Variants in UGGT1 observed in about 807,000 individuals in gnomAD.
The protein encoded by UGGT1 is UDP-glucose glycoprotein glucosyltransferase 1.
UGGT1 carries 107 observed loss-of-function variants against 203.9 expected under a neutral mutation model. The observed-to-expected ratio is 0.52, with a 90% CI of 0.45 to 0.62. The LOEUF is 0.62. Ranked by LOEUF, UGGT1 falls within the 20% of genes least tolerant of loss-of-function variation. The pLI is 0.00. For missense variants in UGGT1, 1,673 were observed against 1,867.2 expected (o/e 0.90, Z 1.92); for synonymous variants, 628 against 653.5 (o/e 0.96, Z 0.59).
intron 2 of UGGT1, among the ~76,000 whole-genome samples, chr2:128,100,141 A>C (rs1290048755): frequency 1.4e-5 from 2 of 144,512 alleles, no homozygotes; most frequent in South Asian, 2.2e-4. Flanking sequence ...GCCCATTCTC[A>C]TTCTCCTGCC....
intron 18 of UGGT1, among the ~76,000 whole-genome samples, chr2:128,149,053 CT>C (rs1282412368): frequency 1.3e-5 from 2 of 151,856 alleles, no homozygotes; most frequent in East Asian, 3.9e-4. Context: ...CTTACCAAAA[CT>C]TTTTTTGAGA....
intron 34 of UGGT1, among the ~76,000 whole-genome samples, 179 bp from the exon 35 acceptor site, chr2:128,179,607 A>G (rs192938561): frequency 2.0e-5 from 3 of 152,352 alleles, no homozygotes; most frequent in Admixed American, 1.3e-4. Flanking sequence ...TGATAACTTC[A>G]TAAGTTGGAG....
chr2:128,156,264 G>C, intron 20 of UGGT1, 128 bp from the exon 21 acceptor site: 1 of 720,656 alleles, frequency 1.4e-6, no homozygotes, highest in Non-Finnish European at 2.4e-6. Flanking sequence ...CCATGACACC[G>C]ACAGGACTAA....
rs142559463 is a variant in UGGT1 at position 128,164,730 on chromosome 2, G to A, written c.2826G>A (p.Val942=). ...HIQQLRVEED[V]ASDLVMKVDA... is the part of the protein sequence containing the mutation. ...AGATTTCTCTAACCCCTTCTTTCAG[G>A]GCAAGCGACTTGGTAATGAAGGTGG... Residue 942 remains valine, a splice_region_variant and synonymous_variant, in exon 26 of 41, where the codon GTG becomes GTA. Transcript: ENST00000259253. 4.1e-5 allele frequency: 66 copies of A among 1,613,766 alleles called. 2 individuals carry two copies. In the South Asian group the frequency reaches 6.7e-4, roughly 16 times the overall value.
chr2:128,164,880 T>A, intron 26 of UGGT1, 55 bp downstream of exon 26: 1 of 1,336,192 alleles, frequency 7.5e-7, no homozygotes, highest in Non-Finnish European at 1.0e-6. Flanking sequence ...CTCTTATGTT[T>A]GCTTTACCTC....
Position 128,159,601 on chromosome 2 carries a change from T to C in UGGT1, c.2443T>C (p.Trp815Arg). The C allele has an allele frequency of 1.2e-6, 2 of 1,614,212 alleles. No individual in the cohort carries two copies. Among genetic ancestry groups the C allele is most frequent in the South Asian group, 1.1e-5 (1 of 91,086 alleles). The change falls in exon 23 of 41, where the codon TGG becomes CGG. Residue 815 changes from tryptophan (W) to arginine (R), a missense_variant. By Grantham distance (101) the Trp-to-Arg change is moderately radical (BLOSUM62 -3). Transcript: ENST00000259253. ...YENTQISRAI[W>R]AALQTQTSNA... ...GAACACTCAGATCTCCAGAGCAATCTGGGCAGCTCTCCAAACTCAGACTTC... is the reference window on the plus strand; with the variant it reads ...GAACACTCAGATCTCCAGAGCAATCCGGGCAGCTCTCCAAACTCAGACTTC...
At position 128,164,625 on chromosome 2, in the gene UGGT1, A is replaced by G. The variant is rs1024787510; in HGVS notation, c.2826-105A>G. 21 of 926,290 alleles carry G rather than the reference A, an allele frequency of 2.3e-5. No homozygotes were observed. In the Admixed American group the frequency reaches 2.8e-4, roughly 12 times the overall value. 57.4% of individuals were successfully genotyped at this position (926,290 alleles called of 1,614,324 possible). A position where few individuals can be genotyped will look rare whatever the true frequency, so the allele number is the denominator to read the frequency against. ...CAGTACGGACTTTATACCTTGTTCAAACCATCTTGTTAGAATTCAGTATTT... is the reference window on the plus strand; with the variant it reads ...CAGTACGGACTTTATACCTTGTTCAGACCATCTTGTTAGAATTCAGTATTT... On this transcript the variant is annotated intron_variant, in intron 25 of 40. Coordinates refer to ENST00000259253, the MANE Select transcript of UGGT1 (RefSeq NM_020120.4).
intron 22 of UGGT1, among the ~76,000 whole-genome samples, chr2:128,158,688 A>G (rs1558804055): frequency 6.6e-6 from 1 of 152,172 alleles, no homozygotes. Flanking sequence ...CTTTTGGTAC[A>G]CCCAAATATA....
intron 5 of UGGT1, among the ~76,000 whole-genome samples, chr2:128,110,274 G>A (rs1165716599): frequency 6.6e-6 from 1 of 152,106 alleles, no homozygotes; most frequent in East Asian, 1.9e-4. Flanking sequence ...GACTGGCTAG[G>A]GCAGCAAGCC....
chr2:128,185,930 G>A (rs1691954928), intron 38 of UGGT1, among the ~76,000 whole-genome samples: 1 of 152,138 alleles, frequency 6.6e-6, no homozygotes. Context: ...AAGGTTTAAA[G>A]CATAGGGTAG....
chr2:128,141,391 C>G lies in UGGT1; in HGVS notation c.1720-1703C>G, dbSNP rs1204595663. ...CAGGTGGATCACGAGATCAGGAGAT[C>G]AAGAGATCAAGACCATCCTGGCTTT... On this transcript the variant is annotated intron_variant, in intron 16 of 40. Coordinates refer to ENST00000259253, the MANE Select transcript of UGGT1 (RefSeq NM_020120.4). Among the ~76,000 whole-genome samples, 3 of 151,962 alleles carry G rather than the reference C, an allele frequency of 2.0e-5. No individual in the cohort carries two copies. In the East Asian group the frequency reaches 5.9e-4, roughly 30 times the overall value.
At chr2:128,150,188 C>T (rs1283521984) in intron 18 of UGGT1, among the ~76,000 whole-genome samples, 1 of 152,134 alleles carries the variant, frequency 6.6e-6, no homozygotes, top group Non-Finnish European at 1.5e-5. Flanking sequence ...TGTAATACAA[C>T]ACTTCGAGAG....
At chr2:128,176,111 A>C (rs1356144046) in intron 31 of UGGT1, among the ~76,000 whole-genome samples, 1 of 152,134 alleles carries the variant, frequency 6.6e-6, no homozygotes. Flanking sequence ...ACACTATTCC[A>C]GTTAAAGAGT....
At chr2:128,108,494 A>G (rs1256614095) in intron 4 of UGGT1, among the ~76,000 whole-genome samples, 1 of 152,226 alleles carries the variant, frequency 6.6e-6, no homozygotes, top group Admixed American at 6.5e-5. Flanking sequence ...TCTTCAGTAC[A>G]TAAATTATGG....
chr2:128,175,773 C>T (rs561142701), intron 31 of UGGT1, among the ~76,000 whole-genome samples: 11 of 152,124 alleles, frequency 7.2e-5, no homozygotes, highest in Admixed American at 2.0e-4. Flanking sequence ...AGCATGGTGC[C>T]CCCTCTTCCT....
At chr2:128,104,741 G>C (rs1687524778) in intron 3 of UGGT1, among the ~76,000 whole-genome samples, 1 of 152,108 alleles carries the variant, frequency 6.6e-6, no homozygotes, top group Non-Finnish European at 1.5e-5. Flanking sequence ...CCATCTCCCA[G>C]GTTCAATCAT....
intron 28 of UGGT1, 146 bp downstream of exon 28, chr2:128,171,430 A>C: frequency 1.3e-6 from 1 of 741,154 alleles, no homozygotes; most frequent in Non-Finnish European, 2.2e-6. Flanking sequence ...GCCAAATTTC[A>C]TTCTAATCAG....
intron 26 of UGGT1, among the ~76,000 whole-genome samples, chr2:128,165,098 A>G (rs1480131420): frequency 6.6e-6 from 1 of 152,252 alleles, no homozygotes; most frequent in Non-Finnish European, 1.5e-5. Flanking sequence ...GACTGCATTT[A>G]ATTAAACAGA....
rs992055437 is a variant in UGGT1 at position 128,193,344 on chromosome 2, C to G, written c.*3602C>G. ...TTGGCTCACTTCAACCTCTGCCTCC[C>G]AAGTTCAAACAATTCTCCTGCCTCA... On this transcript the variant is annotated 3_prime_UTR_variant, in exon 41 of 41. Coordinates refer to ENST00000259253, the MANE Select transcript of UGGT1 (RefSeq NM_020120.4). The G allele has an allele frequency of 2.0e-5, 3 of 150,946 alleles. No homozygotes were observed. The highest frequency in any genetic ancestry group is 2.0e-4 in the Admixed American group (3 of 15,134). The allele number at this position is 150,946 out of a possible 1,614,324, so 9.4% of individuals were successfully genotyped here.
Sources: gnomAD v4.1 joint callset for allele counts (sites outside exome capture counted in the v4.1 genomes callset) on GRCh38, gnomAD v4.1.1 for gene constraint, MANE v1.5 for transcripts, NCBI Gene and HGNC (gene_info 2026-07-23, HGNC 2026-07-21) for gene names.